The following BDNF variants were observed in gnomAD, a reference collection of about 807,000 sequenced individuals.
The protein encoded by BDNF is brain derived neurotrophic factor, also known as neurotrophic factor BDNF precursor form.
In BDNF, 1 loss-of-function variant was observed where a neutral mutation model predicts 19.5. The ratio of observed to expected loss-of-function variants is 0.05; its 90% CI spans 0.02 to 0.24. The LOEUF (loss-of-function observed/expected upper bound fraction) is 0.24, where lower values mean the gene tolerates loss of function less well. Ranked by LOEUF, BDNF falls within the 10% of genes least tolerant of loss-of-function variation. The probability of loss-of-function intolerance (pLI) is 1.00; values close to 1 mark genes in which losing one functional copy is unlikely to be tolerated. For synonymous variants in BDNF, 100 were observed against 121.6 expected (o/e 0.82, Z 1.17); for missense variants, 195 against 317.6 (o/e 0.61, Z 2.93).
Position 27,655,494 on chromosome 11 carries a change from CA to C in BDNF, c.*2326del, listed in dbSNP as rs922142324. The C allele has an allele frequency of 5.7e-4, 87 of 152,086 alleles. 1 individual carries two copies. Among genetic ancestry groups the C allele is most frequent in the African/African-American group, 2.0e-3 (83 of 41,464 alleles). The allele number at this position is 152,086 out of a possible 1,614,324, so 9.4% of individuals were successfully genotyped here. Reference sequence around the variant, plus strand: ...AAGGAAGCTGCATAAAGTTGACATACAGCAGATATTCCAAGCATTCCTTACA... The same window carrying C: ...AAGGAAGCTGCATAAAGTTGACATACGCAGATATTCCAAGCATTCCTTACA... On this transcript the variant is annotated 3_prime_UTR_variant, in exon 2 of 2. Transcript: ENST00000356660.
At chr11:27,699,535 C>G in intron 1 of BDNF, 1 of 1,598,026 alleles carries the variant, frequency 6.3e-7, no homozygotes, top group East Asian at 2.2e-5. Context: ...GTGGGTTCGG[C>G]CTGCCCGAGA....
chr11:27,706,686 A>G (rs1860125604), intron 1 of BDNF, among the ~76,000 whole-genome samples: 1 of 152,172 alleles, frequency 6.6e-6, no homozygotes, highest in Admixed American at 6.5e-5. Flanking sequence ...GCCCCAAACC[A>G]GACATGTGTG....
upstream of BDNF, chr11:27,701,394 C>G (rs1282729402): frequency 1.9e-6 from 2 of 1,034,806 alleles, no homozygotes; most frequent in African/African-American, 3.4e-5. Context: ...TTTCACGTTC[C>G]CTTCGCTTAA....
intron 1 of BDNF, chr11:27,696,522 C>G (rs139546938): frequency 1.3e-5 from 2 of 152,296 alleles, no homozygotes; most frequent in East Asian, 3.9e-4. Context: ...GCACTTAAAA[C>G]CTAGAATTCC....
At chr11:27,666,452 G>C (rs1283919145) in intron 1 of BDNF, among the ~76,000 whole-genome samples, 1 of 152,210 alleles carries the variant, frequency 6.6e-6, no homozygotes, top group African/African-American at 2.4e-5. Flanking sequence ...GAAGGCTTCA[G>C]ATGATCAGTA....
At chr11:27,674,594 A>G in intron 1 of BDNF, 1 of 985,250 alleles carries the variant, frequency 1.0e-6, no homozygotes, top group Non-Finnish European at 1.2e-6. Context: ...TAGATGACAA[A>G]AGATCCATAT....
upstream of BDNF, among the ~76,000 whole-genome samples, chr11:27,703,602 G>T (rs548294349): frequency 3.9e-5 from 6 of 152,206 alleles, no homozygotes; most frequent in Non-Finnish European, 8.8e-5. Context: ...CTCTGATTGG[G>T]TGGGTCTATG....
chr11:27,712,502 T>C lies in BDNF; in HGVS notation c.3+8910A>G, dbSNP rs563406781. ...GGCTTCCTTTGTAATCTTATACATT[T>C]ATTTCATTCACTTAGAATTTTTTTT... is the stretch of plus-strand genomic sequence containing the variant. On this transcript the variant is annotated intron_variant, in intron 1 of 1. Coordinates refer to the BDNF transcript ENST00000314915. 1.7e-4 allele frequency among the ~76,000 whole-genome samples: 26 copies of C among 150,312 alleles called. 3 individuals are homozygous for C. The South Asian group carries it at 5.6e-3, about 33-fold the overall frequency.
intron 1 of BDNF, among the ~76,000 whole-genome samples, chr11:27,712,547 C>T (rs1265805595): frequency 1.7e-4 from 26 of 149,640 alleles, no homozygotes; most frequent in African/African-American, 5.4e-4. Flanking sequence ...GACAAAGTCT[C>T]ACTGTGTCAT....
rs1433750560 is a variant in BDNF at position 27,655,911 on chromosome 11, G to C, written c.*1910C>G. The C allele has an allele frequency of 6.6e-6, 1 of 152,234 alleles. No individual in the cohort carries two copies. The highest frequency in any genetic ancestry group is 1.9e-4 in the East Asian group (1 of 5,184). The allele number at this position is 152,234 out of a possible 1,614,324, so 9.4% of individuals were successfully genotyped here. ...AACTTGACTTCTCCTAACCCAAAATGGCAGAGGTGAGGCAGGGACCCTCTC... is the reference window on the plus strand; with the variant it reads ...AACTTGACTTCTCCTAACCCAAAATCGCAGAGGTGAGGCAGGGACCCTCTC... On this transcript the variant is annotated 3_prime_UTR_variant, in exon 2 of 2. Transcript: ENST00000356660.
At chr11:27,706,987 A>G (rs1039709782) in intron 1 of BDNF, among the ~76,000 whole-genome samples, 1 of 152,134 alleles carries the variant, frequency 6.6e-6, no homozygotes, top group Non-Finnish European at 1.5e-5. Context: ...GCTTTTCTGT[A>G]CTCCATTTAA....
chr11:27,682,113 G>C (rs1028283957), intron 1 of BDNF, among the ~76,000 whole-genome samples: 2 of 152,080 alleles, frequency 1.3e-5, no homozygotes, highest in African/African-American at 4.8e-5. Flanking sequence ...ACGCTCTAAT[G>C]CAAGTACTTG....
rs10626744 is a variant in BDNF, at chr11:27,698,226, C to CAAAAAAAAAAAAAAAAAAAAAA, written c.-22+1916_-22+1937dup. ...CCTGCTAACCCAGAGGTAAATTTCC[C>CAAAAAAAAAAAAAAAAAAAAAA]AAAAAAAAAAAAAAAAAAAAAAAAA... is the stretch of plus-strand genomic sequence containing the variant. On this transcript the variant is annotated intron_variant, in intron 1 of 1. Coordinates refer to ENST00000356660, the MANE Select transcript of BDNF (RefSeq NM_001709.5). 33 of 80,824 alleles carry CAAAAAAAAAAAAAAAAAAAAAA rather than the reference C, an allele frequency of 4.1e-4. 8 individuals are homozygous for CAAAAAAAAAAAAAAAAAAAAAA. Among genetic ancestry groups the CAAAAAAAAAAAAAAAAAAAAAA allele is most frequent in the South Asian group, 1.1e-3 (2 of 1,798 alleles). 5.0% of individuals were successfully genotyped at this position (80,824 alleles called of 1,614,324 possible).
intron 1 of BDNF, among the ~76,000 whole-genome samples, chr11:27,712,347 TATC>T (rs1860360934): frequency 6.6e-6 from 1 of 152,332 alleles, no homozygotes; most frequent in African/African-American, 2.4e-5. Flanking sequence ...CATTGATACT[TATC>T]ATTATTTCAA....
chr11:27,658,920 G>C lies in BDNF; in HGVS notation c.-21-335C>G. The C allele has an allele frequency of 8.5e-7, 1 of 1,177,286 alleles. No homozygotes were observed. The highest frequency in any genetic ancestry group is 1.1e-6 in the Non-Finnish European group (1 of 938,490). The allele number at this position is 1,177,286 out of a possible 1,614,324, so 72.9% of individuals were successfully genotyped here. On this transcript the variant is annotated intron_variant, in intron 1 of 1. Transcript: ENST00000356660. The surrounding 1 kb of genome is among the most constrained non-coding windows in gnomAD (Gnocchi z 5.7). Reference sequence around the variant, plus strand: ...GTAAGTTTAATTTTTAATGATCTCTGCTCATGCTGTCACGAGAAACACAAA... The same window carrying C: ...GTAAGTTTAATTTTTAATGATCTCTCCTCATGCTGTCACGAGAAACACAAA...
At chr11:27,665,129 A>C (rs1212011911) in intron 1 of BDNF, 2 of 152,234 alleles carry the variant, frequency 1.3e-5, no homozygotes, top group African/African-American at 4.8e-5. Flanking sequence ...GATCTGTTAC[A>C]ATTCACTGAA....
At chr11:27,705,327 A>T (rs377221306), upstream of BDNF, among the ~76,000 whole-genome samples, 149 of 152,312 alleles carry the variant, frequency 9.8e-4, no homozygotes, top group African/African-American at 3.5e-3. Context: ...ACAAATTTAA[A>T]CCAAAGGGTT....
At chr11:27,682,447 T>C (rs1463230325) in intron 1 of BDNF, among the ~76,000 whole-genome samples, 7 of 151,952 alleles carry the variant, frequency 4.6e-5, no homozygotes, top group East Asian at 3.9e-4. Flanking sequence ...CTGGGGTACA[T>C]GTGCAGAACG....
upstream of BDNF, among the ~76,000 whole-genome samples, chr11:27,705,372 G>T (rs1294609531): frequency 6.6e-6 from 1 of 152,106 alleles, no homozygotes; most frequent in South Asian, 2.1e-4. Context: ...ATGAACATTA[G>T]CTTATTTTTG....
Sources: gnomAD v4.1 joint callset for allele counts (sites outside exome capture counted in the v4.1 genomes callset) on GRCh38, gnomAD v4.1.1 for gene constraint, Gnocchi (gnomAD v3.1) non-coding constraint, MANE v1.5 for transcripts, NCBI Gene and HGNC (gene_info 2026-07-23, HGNC 2026-07-21) for gene names.